CA6: variants seen among roughly 807,000 people sequenced by gnomAD.
CA6 encodes the protein carbonate dehydratase VI.
CA6 carries 28 observed loss-of-function variants against 35.9 expected under a neutral mutation model. That is an observed-to-expected ratio of 0.78 (90% confidence interval 0.58 to 1.07). The LOEUF is 1.07. Ranked by LOEUF, CA6 falls within the 50% of genes least tolerant of loss-of-function variation. The pLI is 0.00. For synonymous variants in CA6, 148 were observed against 152.6 expected (o/e 0.97, Z 0.22); for missense variants, 377 against 382.0 (o/e 0.99, Z 0.11).
intron 7 of CA6, among the ~76,000 whole-genome samples, chr1:8,973,773 T>C (rs886862940): frequency 2.6e-5 from 1 of 38,288 alleles, no homozygotes; most frequent in Admixed American, 2.7e-4. Context: ...TCTTTCTTTC[T>C]TTCTTTCTTT....
At chr1:8,953,327 T>C (rs978018949) in intron 2 of CA6, among the ~76,000 whole-genome samples, 1 of 152,106 alleles carries the variant, frequency 6.6e-6, no homozygotes. Context: ...AAAGCTGTTA[T>C]AAAACCCATA....
At chr1:8,973,552 C>A (rs868426114) in intron 7 of CA6, among the ~76,000 whole-genome samples, 1 of 152,042 alleles carries the variant, frequency 6.6e-6, no homozygotes, top group African/African-American at 2.4e-5. Flanking sequence ...CACTAAGAAT[C>A]GCTGTTTAGG....
rs113261721 is a variant in CA6, at chr1:8,974,739, T to C, written c.*35T>C. 2.9e-3 allele frequency: 4,046 copies of C among 1,393,406 alleles called. 63 individuals are homozygous for C. In the African/African-American group the frequency reaches 0.038, roughly 13 times the overall value. 86.3% of individuals were successfully genotyped at this position (1,393,406 alleles called of 1,614,324 possible). On this transcript the variant is annotated 3_prime_UTR_variant, in exon 8 of 8. Transcript: ENST00000377443. ...AGAGGAAGATTCAATATTAACTAGC[T>C]TGAAGCCTGACCTAGCCAGAAGTGC...
chr1:8,946,780 C>G (rs1029843784), intron 1 of CA6, among the ~76,000 whole-genome samples: 1 of 148,448 alleles, frequency 6.7e-6, no homozygotes, highest in African/African-American at 2.5e-5. Context: ...TGTGGGCTGC[C>G]AAAATGAGAG....
intron 5 of CA6, among the ~76,000 whole-genome samples, chr1:8,964,969 T>A (rs917934402): frequency 1.3e-5 from 2 of 151,902 alleles, no homozygotes; most frequent in Admixed American, 6.6e-5. Context: ...TAAGGCTGGG[T>A]GCGGTGGCTC....
chr1:8,958,806 GGCCTCAGACGGA>G, intron 3 of CA6, 92 bp from the exon 4 acceptor site: 1 of 669,702 alleles, frequency 1.5e-6, no homozygotes, highest in Non-Finnish European at 2.7e-6. Context: ...AACAGTCTGA[GGCCTCAGACGGA>G]GCACCTTTCT....
In CA6 at chr1:8,949,310, G is replaced by C; in HGVS notation, c.127G>C (p.Gly43Arg). 2 of 1,613,052 alleles carry C rather than the reference G, an allele frequency of 1.2e-6. No homozygotes were observed. The highest frequency in any genetic ancestry group is 8.5e-7 in the Non-Finnish European group (1 of 1,179,470). The part of the protein sequence containing the change: ...AHWPQHYPAC[G>R]GQRQSPINLQ... ...CTGGCCACAGCACTACCCCGCCTGT[G>C]GGGGCCAGAGACAGTCGCCTATCAA... The change falls in exon 2 of 8, where the codon GGG becomes CGG. Residue 43 changes from glycine (G) to arginine (R), a missense_variant. Physicochemically the swap from Gly to Arg is moderately radical, Grantham distance 125. Coordinates refer to ENST00000377443, the MANE Select transcript of CA6 (RefSeq NM_001215.4).
chr1:8,957,785 CAA>C (rs869085886), intron 3 of CA6, among the ~76,000 whole-genome samples: 15,787 of 78,714 alleles, frequency 0.2, 376 homozygotes, highest in Admixed American at 0.24. Context: ...CTTGTGTCTA[CAA>C]AAAAAAAAAA....
chr1:8,974,036 G>T (rs919840049), intron 7 of CA6, among the ~76,000 whole-genome samples: 3 of 152,008 alleles, frequency 2.0e-5, no homozygotes, highest in Non-Finnish European at 4.4e-5. Flanking sequence ...TGTGGCCCAG[G>T]CTGGTCTCGA....
At chr1:8,964,005 A>ACGCTCC (rs1639906866) in intron 5 of CA6, among the ~76,000 whole-genome samples, 1 of 152,134 alleles carries the variant, frequency 6.6e-6, no homozygotes, top group Admixed American at 6.5e-5. Context: ...CCTGGAGCTG[A>ACGCTCC]CGCTCCCACT....
In CA6 at chr1:8,974,684, T is replaced by C. The variant is rs780343840; in HGVS notation, c.907T>C (p.Leu303=). Residue 303 remains leucine (L), a synonymous_variant, in exon 8 of 8, where the codon TTA becomes CTA. Coordinates refer to ENST00000377443, the MANE Select transcript of CA6 (RefSeq NM_001215.4). ...LHKIEEILDY[L]RRALN ...TAAGATTGAGGAAATTCTTGACTAC[T>C]TAAGAAGAGCATTGAACTGAGGAAA... The C allele has an allele frequency of 8.1e-6, 13 of 1,602,946 alleles. No homozygotes were observed. The Admixed American group carries it at 2.1e-4, about 25-fold the overall frequency.
intron 7 of CA6, among the ~76,000 whole-genome samples, chr1:8,973,757 T>TTTC (rs1640181514): frequency 1.4e-4 from 3 of 21,928 alleles, no homozygotes; most frequent in African/African-American, 1.2e-3. Flanking sequence ...TCTTTCTTTC[T>TTTC]TTCTTTCTTT....
rs560064880 is a variant in CA6 at position 8,957,371 on chromosome 1, C to T, written c.408+86C>T. ...ATTTATTTATTTTGAGACAGAGTCT[C>T]GCTCTGTTGCCCCGGCTGGAGTGCA... On this transcript the variant is annotated intron_variant, in intron 3 of 7. Transcript: ENST00000377443. 6.1e-4 allele frequency: 812 copies of T among 1,341,084 alleles called. 9 individuals are homozygous for T. In the African/African-American group the frequency reaches 9.2e-3, roughly 15 times the overall value. The allele number at this position is 1,341,084 out of a possible 1,614,324, so 83.1% of individuals were successfully genotyped here. A position where few individuals can be genotyped will look rare whatever the true frequency, so the allele number is the denominator to read the frequency against.
chr1:8,947,253 C>A (rs539882217), intron 1 of CA6, among the ~76,000 whole-genome samples: 1 of 152,054 alleles, frequency 6.6e-6, no homozygotes, highest in Non-Finnish European at 1.5e-5. Flanking sequence ...AGCTTCTTCC[C>A]GCATCCCCCT....
At chr1:8,946,617 G>C (rs905376778) in intron 1 of CA6, among the ~76,000 whole-genome samples, 2 of 151,860 alleles carry the variant, frequency 1.3e-5, no homozygotes, top group African/African-American at 4.8e-5. Flanking sequence ...TTGCTTTGTT[G>C]GTCCGTGTAA....
At chr1:8,959,503 C>T (rs770516968) in intron 4 of CA6, among the ~76,000 whole-genome samples, 6 of 151,868 alleles carry the variant, frequency 4.0e-5, no homozygotes, top group African/African-American at 9.6e-5. Flanking sequence ...TTAGTAGAGA[C>T]GGGTTTCACT....
chr1:8,949,565 G>A lies in CA6; in HGVS notation c.259+123G>A, dbSNP rs983966005. 5 of 816,036 alleles carry A rather than the reference G, an allele frequency of 6.1e-6. No homozygotes were observed. In the East Asian group the frequency reaches 1.4e-4, roughly 23 times the overall value. The allele number at this position is 816,036 out of a possible 1,614,324, so 50.5% of individuals were successfully genotyped here. On this transcript the variant is annotated intron_variant, in intron 2 of 7. Coordinates refer to ENST00000377443, the MANE Select transcript of CA6 (RefSeq NM_001215.4). ...ACAGAGCACGGCCTCAGAGCTGGAG[G>A]CCTCGAACATGAGGGTCGAACATGA...
At chr1:8,973,739 TC>T (rs1640176045) in intron 7 of CA6, among the ~76,000 whole-genome samples, 1 of 19,706 alleles carries the variant, frequency 5.1e-5, no homozygotes, top group Non-Finnish European at 7.9e-5. Context: ...TTTCTTTCTT[TC>T]TTTCTTTCTT....
chr1:8,949,466 G>C, intron 2 of CA6, 24 bp downstream of exon 2: 1 of 1,599,676 alleles, frequency 6.3e-7, no homozygotes, highest in African/African-American at 1.3e-5. Context: ...GTGGTGAGGG[G>C]CTCCAGTCCA....
Sources: gnomAD v4.1 joint callset for allele counts (sites outside exome capture counted in the v4.1 genomes callset) on GRCh38, gnomAD v4.1.1 for gene constraint, MANE v1.5 for transcripts, NCBI Gene and HGNC (gene_info 2026-07-23, HGNC 2026-07-21) for gene names.